TENM2: variants seen among roughly 807,000 people sequenced by gnomAD.
TENM2 encodes teneurin-2.
In TENM2, 52 loss-of-function variants were observed where a neutral mutation model predicts 245.2. The observed-to-expected ratio is 0.21, with a 90% CI of 0.17 to 0.27. The LOEUF is 0.27. Ranked by LOEUF, TENM2 falls within the 10% of genes least tolerant of loss-of-function variation. The probability of loss-of-function intolerance (pLI) is 1.00; values close to 1 mark genes in which losing one functional copy is unlikely to be tolerated. For synonymous variants in TENM2, 1,363 were observed against 1,438.9 expected, an observed-to-expected ratio of 0.95 and a Z score of 1.19; for missense variants, 3,046 against 3,666.8, an observed-to-expected ratio of 0.83 and a Z score of 4.37.
chr5:167,697,025 G>A (rs144201772), intron 2 of TENM2, among the ~76,000 whole-genome samples: 9 of 152,200 alleles, frequency 5.9e-5, no homozygotes, highest in African/African-American at 9.6e-5. Context: ...TGGCCTCTGC[G>A]CATGCTTCCT....
chr5:167,964,154 C>T (rs1483664829), intron 4 of TENM2, among the ~76,000 whole-genome samples: 1 of 152,180 alleles, frequency 6.6e-6, no homozygotes, highest in Non-Finnish European at 1.5e-5. Flanking sequence ...CTACTCCTTC[C>T]TCTGCTGAAA....
chr5:167,141,847 T>C, the TENM2 span, among the ~76,000 whole-genome samples: 1 of 152,212 alleles, frequency 6.6e-6, no homozygotes. Context: ...AAAAGAATAA[T>C]GTGGGACTGA....
intron 2 of TENM2, among the ~76,000 whole-genome samples, chr5:167,584,808 T>C (rs1297699692): frequency 6.6e-6 from 1 of 151,726 alleles, no homozygotes; most frequent in African/African-American, 2.4e-5. Flanking sequence ...CATTCTCCTG[T>C]CTCAGCCTCC....
chr5:167,522,459 A>G (rs1770830409), intron 2 of TENM2, among the ~76,000 whole-genome samples: 10 of 151,996 alleles, frequency 6.6e-5, no homozygotes, highest in Admixed American at 6.6e-4. Flanking sequence ...TGCCTTAATT[A>G]TCTGTGTGAT....
At chr5:167,228,744 G>A in the TENM2 span, among the ~76,000 whole-genome samples, 1,575 of 149,774 alleles carry the variant, frequency 0.011, 30 homozygotes, top group African/African-American at 0.036. Context: ...TCGCTCTGTC[G>A]CCCAGGCTGG....
the TENM2 span, among the ~76,000 whole-genome samples, chr5:167,098,811 C>CT: frequency 6.6e-6 from 1 of 152,150 alleles, no homozygotes; most frequent in Non-Finnish European, 1.5e-5. Flanking sequence ...CTAAGCATGA[C>CT]GCTTTCCATT....
chr5:167,316,867 C>CTG (rs951016379), intron 1 of TENM2, among the ~76,000 whole-genome samples: 1 of 152,156 alleles, frequency 6.6e-6, no homozygotes, highest in African/African-American at 2.4e-5. Flanking sequence ...ACAGTTATAA[C>CTG]TGTGTAAAGA....
intron 9 of TENM2, among the ~76,000 whole-genome samples, chr5:168,115,854 G>A (rs992201595): frequency 3.3e-5 from 5 of 152,064 alleles, no homozygotes; most frequent in African/African-American, 9.7e-5. Flanking sequence ...TGACGGTTTC[G>A]AGGCTCTATC....
chr5:167,076,791 C>T, the TENM2 span, among the ~76,000 whole-genome samples: 3 of 152,034 alleles, frequency 2.0e-5, no homozygotes, highest in Non-Finnish European at 4.4e-5. Flanking sequence ...ATAGAAACAC[C>T]CTTTAATACT....
At chr5:168,190,121 C>A (rs761208738) in intron 13 of TENM2, among the ~76,000 whole-genome samples, 13 of 152,150 alleles carry the variant, frequency 8.5e-5, no homozygotes, top group Admixed American at 8.5e-4. Flanking sequence ...TGAGGATAAC[C>A]ATTTGTCAAC....
At chr5:167,302,076 A>G (rs1257631632) in intron 1 of TENM2, among the ~76,000 whole-genome samples, 2 of 152,098 alleles carry the variant, frequency 1.3e-5, no homozygotes, top group Admixed American at 1.3e-4. Context: ...ATTTGGGACA[A>G]GTTGCATTGG....
intron 10 of TENM2, among the ~76,000 whole-genome samples, chr5:168,120,658 TCTC>T (rs1199434878): frequency 6.6e-6 from 1 of 152,158 alleles, no homozygotes; most frequent in Non-Finnish European, 1.5e-5. Flanking sequence ...AAGGATGAAA[TCTC>T]CTCCGTTGAT....
intron 3 of TENM2, among the ~76,000 whole-genome samples, chr5:167,923,108 G>C (rs1777495042): frequency 6.6e-6 from 1 of 152,184 alleles, no homozygotes; most frequent in Admixed American, 6.5e-5. Flanking sequence ...TAGATCACCT[G>C]AGTTCAGGAG....
At chr5:167,435,160 G>C (rs752837250) in intron 2 of TENM2, among the ~76,000 whole-genome samples, 1 of 151,144 alleles carries the variant, frequency 6.6e-6, no homozygotes, top group Admixed American at 6.6e-5. Flanking sequence ...TCATGGGGGG[G>C]AAAGGAATAA....
At chr5:168,127,090 G>A (rs1795906442) in intron 12 of TENM2, 124 bp downstream of exon 14, 7 of 841,788 alleles carry the variant, frequency 8.3e-6, no homozygotes, top group Admixed American at 5.0e-5. Context: ...AATCTCCCAG[G>A]GGATAGGGAA....
the TENM2 span, among the ~76,000 whole-genome samples, chr5:167,254,943 G>A: frequency 6.6e-6 from 1 of 152,040 alleles, no homozygotes; most frequent in Non-Finnish European, 1.5e-5. Context: ...CAGTAAGTCT[G>A]AAGGTGTGAT....
intron 2 of TENM2, among the ~76,000 whole-genome samples, chr5:167,597,229 A>G (rs1776288104): frequency 6.7e-6 from 1 of 149,322 alleles, no homozygotes. Flanking sequence ...CAGTGGCACA[A>G]TCTGAGCTCA....
At chr5:167,707,535 A>T (rs1252328318) in intron 2 of TENM2, among the ~76,000 whole-genome samples, 1 of 152,168 alleles carries the variant, frequency 6.6e-6, no homozygotes, top group African/African-American at 2.4e-5. Flanking sequence ...TCATGGGTGT[A>T]TACTCATCTC....
intron 4 of TENM2, among the ~76,000 whole-genome samples, chr5:167,964,199 T>G (rs1456121881): frequency 1.3e-5 from 2 of 152,204 alleles, no homozygotes; most frequent in African/African-American, 4.8e-5. Context: ...GTCGGCTGCT[T>G]CTTTGGGAGT....
Sources: gnomAD v4.1 joint callset for allele counts (sites outside exome capture counted in the v4.1 genomes callset) on GRCh38, gnomAD v4.1.1 for gene constraint, MANE v1.5 for transcripts, NCBI Gene and HGNC (gene_info 2026-07-23, HGNC 2026-07-21) for gene names.